PTPRD: variants seen among roughly 807,000 people sequenced by gnomAD.
PTPRD encodes receptor-type tyrosine-protein phosphatase delta.
Under a neutral mutation model 214.5 loss-of-function variants are expected in PTPRD, and 34 were observed. The ratio of observed to expected loss-of-function variants is 0.16; its 90% CI spans 0.12 to 0.21. The LOEUF is 0.21. PTPRD is among the 10% of genes least tolerant of loss of function. The pLI is 1.00. For synonymous variants in PTPRD, 1,128 were observed against 845.7 expected (o/e 1.33, Z -5.79); for missense variants, 2,545 against 2,398.7 (o/e 1.06, Z -1.27).
intron 3 of PTPRD, among the ~76,000 whole-genome samples, chr9:10,267,843 T>C (rs984025957): frequency 1.3e-5 from 2 of 152,188 alleles, no homozygotes; most frequent in African/African-American, 4.8e-5. Flanking sequence ...TGGAATAGTT[T>C]CTATGCTCTG....
At chr9:9,283,336 A>C (rs1003774976) in intron 9 of PTPRD, among the ~76,000 whole-genome samples, 2 of 151,482 alleles carry the variant, frequency 1.3e-5, no homozygotes, top group Non-Finnish European at 3.0e-5. Flanking sequence ...AATTACCATA[A>C]ATCAGAAGTA....
chr9:9,568,039 C>G (rs939221663), intron 8 of PTPRD, among the ~76,000 whole-genome samples: 1 of 151,430 alleles, frequency 6.6e-6, no homozygotes, highest in Non-Finnish European at 1.5e-5. Flanking sequence ...TGGCCAAGGA[C>G]AAACCTAAGA....
chr9:9,328,322 G>A (rs1299216408), intron 9 of PTPRD, among the ~76,000 whole-genome samples: 3 of 151,864 alleles, frequency 2.0e-5, no homozygotes, highest in African/African-American at 7.3e-5. Context: ...TGTAGTATGT[G>A]GTATGTCACT....
At chr9:10,143,362 C>G (rs1447157127) in intron 3 of PTPRD, among the ~76,000 whole-genome samples, 1 of 152,078 alleles carries the variant, frequency 6.6e-6, no homozygotes, top group Non-Finnish European at 1.5e-5. Context: ...AATGAGATAT[C>G]ATCTTACACC....
rs757540825 is a variant in PTPRD, at chr9:8,636,660, C to A, written c.210+39G>T. ...GTAGAAACCAAAGACAGAGCAGATACATTCTTCCCCCAGAGAAACAGAACA... is the reference window on the plus strand; with the variant it reads ...GTAGAAACCAAAGACAGAGCAGATAAATTCTTCCCCCAGAGAAACAGAACA... On this transcript the variant is annotated intron_variant, in intron 13 of 45. Coordinates refer to ENST00000381196, the MANE Select transcript of PTPRD (RefSeq NM_002839.4). The A allele has an allele frequency of 1.9e-5, 30 of 1,607,572 alleles. No homozygotes were observed. The South Asian group carries it at 3.3e-4, about 18-fold the overall frequency.
chr9:9,650,877 T>C lies in PTPRD; in HGVS notation c.-286-76096A>G, dbSNP rs1024245300. Among the ~76,000 whole-genome samples, 3 of 152,060 alleles carry C rather than the reference T, an allele frequency of 2.0e-5. No homozygotes were observed. The East Asian group carries it at 5.8e-4, about 29-fold the overall frequency. ...AAATTTATGGAATATATATAAATAA[T>C]TAGCTAAAATATAAATAAATGTTAC... On this transcript the variant is annotated intron_variant, in intron 7 of 45. Coordinates refer to ENST00000381196, the MANE Select transcript of PTPRD (RefSeq NM_002839.4).
intron 22 of PTPRD, 29 bp downstream of exon 22, chr9:8,507,272 T>C: frequency 6.2e-7 from 1 of 1,602,670 alleles, no homozygotes; most frequent in African/African-American, 1.3e-5. Flanking sequence ...AATGAATAAT[T>C]CCCAAGGTGA....
chr9:8,954,643 G>A (rs1216097349), intron 11 of PTPRD, among the ~76,000 whole-genome samples: 1 of 151,838 alleles, frequency 6.6e-6, no homozygotes, highest in East Asian at 1.9e-4. Flanking sequence ...CCAATGAGAA[G>A]TAACAGGATG....
chr9:10,191,681 A>G (rs1016212264), intron 3 of PTPRD, among the ~76,000 whole-genome samples: 1 of 152,078 alleles, frequency 6.6e-6, no homozygotes, highest in Admixed American at 6.6e-5. Flanking sequence ...TTGCTTAGTG[A>G]CCCTCTCGTT....
intron 7 of PTPRD, among the ~76,000 whole-genome samples, chr9:9,595,892 A>G (rs2093311689): frequency 6.6e-6 from 1 of 151,990 alleles, no homozygotes; most frequent in Non-Finnish European, 1.5e-5. Flanking sequence ...ATCAACTGCT[A>G]AAGAACTTGC....
At chr9:10,466,500 G>A (rs1157371840) in intron 2 of PTPRD, among the ~76,000 whole-genome samples, 3 of 151,714 alleles carry the variant, frequency 2.0e-5, no homozygotes, top group Admixed American at 6.6e-5. Context: ...GCGCATGCCT[G>A]TAATCCCAGC....
At chr9:10,313,587 G>T (rs1016005056) in intron 3 of PTPRD, among the ~76,000 whole-genome samples, 1 of 151,866 alleles carries the variant, frequency 6.6e-6, no homozygotes, top group Non-Finnish European at 1.5e-5. Context: ...TTCTCAGCAA[G>T]GGATGTAAAG....
chr9:8,327,788 CCTT>C (rs1013451661), intron 44 of PTPRD, among the ~76,000 whole-genome samples: 1 of 149,042 alleles, frequency 6.7e-6, no homozygotes, highest in Non-Finnish European at 1.5e-5. Context: ...TACGTAATGC[CCTT>C]CTTTGTTGGT....
At chr9:9,275,472 T>C (rs554412709) in intron 9 of PTPRD, among the ~76,000 whole-genome samples, 5 of 150,952 alleles carry the variant, frequency 3.3e-5, no homozygotes, top group African/African-American at 1.2e-4. Context: ...AGGGTGAAAC[T>C]ATTTTCCTGA....
chr9:10,559,351 T>G (rs1215478056), intron 2 of PTPRD, among the ~76,000 whole-genome samples: 1 of 152,166 alleles, frequency 6.6e-6, no homozygotes, highest in Admixed American at 6.6e-5. Flanking sequence ...ATGTGATTAT[T>G]TAAATTTAAC....
rs556419289 is a variant in PTPRD at position 9,191,302 on chromosome 9, G to A, written c.-202-7939C>T. On this transcript the variant is annotated intron_variant, in intron 9 of 45. Coordinates refer to ENST00000381196, the MANE Select transcript of PTPRD (RefSeq NM_002839.4). ...AACAATCCTGTGAATGAGATAGGAA[G>A]GGGTCTTCTGAGCCTTACCAAAAGC... Among the ~76,000 whole-genome samples, 7 of 152,140 alleles carry A rather than the reference G, an allele frequency of 4.6e-5. No homozygotes were observed. In the South Asian group the frequency reaches 1.5e-3, roughly 32 times the overall value.
In PTPRD at chr9:9,840,412, CT is replaced by C. The variant is rs750238109; in HGVS notation, c.-367-73562del. ...TTTTTCCAGTTGTTGAAACATTATC[CT>C]TCAGTCTTCAAGTTAAACTTTTTCA... On this transcript the variant is annotated intron_variant, in intron 5 of 45. Transcript: ENST00000381196. 8.9e-4 allele frequency among the ~76,000 whole-genome samples: 135 copies of C among 151,904 alleles called. 1 individual carries two copies. The highest frequency in any genetic ancestry group is 1.5e-3 in the Non-Finnish European group (101 of 67,958).
chr9:9,828,330 A>T (rs1475508525), intron 5 of PTPRD, among the ~76,000 whole-genome samples: 1 of 152,198 alleles, frequency 6.6e-6, no homozygotes, highest in Non-Finnish European at 1.5e-5. Context: ...AGCCATAAAA[A>T]AGGATGAGTT....
chr9:8,550,559 G>T (rs748112255), intron 14 of PTPRD, among the ~76,000 whole-genome samples: 1 of 152,136 alleles, frequency 6.6e-6, no homozygotes, highest in African/African-American at 2.4e-5. Context: ...AAACAGATAC[G>T]TATGTGCTTA....
Sources: allele counts gnomAD v4.1 joint callset (sites outside exome capture counted in the v4.1 genomes callset), GRCh38; gene constraint gnomAD v4.1.1; transcripts MANE v1.5; gene names NCBI Gene and HGNC (gene_info 2026-07-23, HGNC 2026-07-21).